Variants in EP400 observed in about 807,000 individuals in gnomAD.
EP400 encodes E1A-binding protein p400.
EP400 carries 105 observed loss-of-function variants against 354.1 expected under a neutral mutation model. The observed-to-expected ratio is 0.30, with a 90% CI of 0.25 to 0.35. The LOEUF (loss-of-function observed/expected upper bound fraction) is 0.35. Ranked by LOEUF, EP400 falls within the 10% of genes least tolerant of loss-of-function variation. The probability of loss-of-function intolerance (pLI) is 1.00; values close to 1 mark genes in which losing one functional copy is unlikely to be tolerated. For missense variants in EP400, 3,280 were observed against 4,121.0 expected, an observed-to-expected ratio of 0.80 and a Z score of 5.59; for synonymous variants, 1,646 against 1,716.9, an observed-to-expected ratio of 0.96 and a Z score of 1.02.
Position 132,038,248 on chromosome 12 carries a change from T to A in EP400, c.6207+152T>A. ...TGCTTTTGGAACCTCCCCACTCCCT[T>A]CTTTCTGTCATGGGGATTTTGAACT... On this transcript the variant is annotated intron_variant, in intron 32 of 52. Coordinates refer to ENST00000389561, the MANE Select transcript of EP400 (RefSeq NM_015409.5). This position sits in a 1 kb window ranked among gnomAD's most constrained non-coding sequence, Gnocchi z 4.2. 1 of 979,690 alleles carries A rather than the reference T, an allele frequency of 1.0e-6. No individual in the cohort carries two copies. The highest frequency in any genetic ancestry group is 1.5e-6 in the Non-Finnish European group (1 of 676,326). The allele number at this position is 979,690 out of a possible 1,614,324, so 60.7% of individuals were successfully genotyped here. A position where few individuals can be genotyped will look rare whatever the true frequency, so the allele number is the denominator to read the frequency against.
At chr12:131,951,350 C>G (rs1232797012) in intron 1 of EP400, among the ~76,000 whole-genome samples, 1 of 151,332 alleles carries the variant, frequency 6.6e-6, no homozygotes, top group African/African-American at 2.4e-5. Flanking sequence ...CCATGCCCGG[C>G]CAATTTTTTA....
At chr12:132,064,064 TG>T (rs1282085783) in intron 47 of EP400, among the ~76,000 whole-genome samples, 3 of 105,516 alleles carry the variant, frequency 2.8e-5, no homozygotes, top group Non-Finnish European at 5.9e-5. Context: ...CCTTGTCACC[TG>T]CCCCGGTTCA....
At chr12:131,978,854 ATTT>A (rs1480930841) in intron 2 of EP400, among the ~76,000 whole-genome samples, 2 of 152,196 alleles carry the variant, frequency 1.3e-5, no homozygotes, top group Admixed American at 6.5e-5. Context: ...ACATCTGTCT[ATTT>A]ATATCTCTAT....
In EP400 at chr12:131,991,453, T is replaced by C. The variant is rs1048054820; in HGVS notation, c.2676T>C (p.Ser892=). ...GATTTGACGCATTACAGGAAAGTTCTCTGGTAAGTTTGGGGTTGTTACTGT... is the reference window on the plus strand; with the variant it reads ...GATTTGACGCATTACAGGAAAGTTCCCTGGTAAGTTTGGGGTTGTTACTGT... ...PKGFDALQES[S]LDSGMSGRKR... Residue 892 remains serine, a synonymous_variant, in exon 10 of 53, where the codon TCT becomes TCC. Transcript: ENST00000389561. 1 of 1,614,134 alleles carries C rather than the reference T, an allele frequency of 6.2e-7. No homozygotes were observed. Among genetic ancestry groups the C allele is most frequent in the East Asian group, 2.2e-5 (1 of 44,886 alleles).
intron 50 of EP400, 128 bp from the exon 51 acceptor site, chr12:132,069,367 C>A (rs1593389145): frequency 7.4e-7 from 1 of 1,346,730 alleles, no homozygotes; most frequent in East Asian, 2.3e-5. Flanking sequence ...TGGGTATGCA[C>A]AGGGTTGGTC....
At chr12:132,005,789 C>T (rs918221081) in intron 13 of EP400, among the ~76,000 whole-genome samples, 2 of 151,898 alleles carry the variant, frequency 1.3e-5, no homozygotes, top group East Asian at 1.9e-4. Context: ...GATCCCTAAA[C>T]CCTGAGACAC....
At position 132,077,634 on chromosome 12, in the gene EP400, T is replaced by C. The variant is rs1275505432; in HGVS notation, c.9333T>C (p.Ala3111=). 2 of 1,613,604 alleles carry C rather than the reference T, an allele frequency of 1.2e-6. No homozygotes were observed. The highest frequency in any genetic ancestry group is 1.7e-6 in the Non-Finnish European group (2 of 1,179,818). Residue 3111 remains alanine, a synonymous_variant, in exon 53 of 53, where the codon GCT becomes GCC. Coordinates refer to ENST00000389561, the MANE Select transcript of EP400 (RefSeq NM_015409.5). ...CCAAGTTACAGATGAGGGTCCCTGC[T>C]GTCAGGCTAAAGACACCTACTAAGC... ...QQPKLQMRVP[A]VRLKTPTKPP...
intron 39 of EP400, among the ~76,000 whole-genome samples, chr12:132,048,843 C>T (rs930988837): frequency 6.6e-6 from 1 of 152,170 alleles, no homozygotes; most frequent in Non-Finnish European, 1.5e-5. Flanking sequence ...AACCACCAGC[C>T]CTGGCTGTGG....
chr12:132,066,355 T>C (rs1440061039), intron 48 of EP400: 1 of 166,734 alleles, frequency 6.0e-6, no homozygotes, highest in African/African-American at 2.4e-5. Flanking sequence ...TAAGAGAAAA[T>C]GCGGGACGGG....
At chr12:131,976,661 GA>G (rs1184280642) in intron 2 of EP400, among the ~76,000 whole-genome samples, 2 of 152,172 alleles carry the variant, frequency 1.3e-5, no homozygotes, top group Non-Finnish European at 2.9e-5. Flanking sequence ...AGTGAGGCGA[GA>G]TCGTACCATT....
chr12:132,069,783 T>TG, intron 51 of EP400, 142 bp downstream of exon 51: 8 of 1,305,840 alleles, frequency 6.1e-6, no homozygotes, highest in Non-Finnish European at 8.3e-6. Context: ...TCTCCTGGCC[T>TG]CAGGTTTCAA....
intron 32 of EP400, among the ~76,000 whole-genome samples, chr12:132,042,308 C>T (rs557503034): frequency 1.3e-5 from 2 of 152,202 alleles, no homozygotes; most frequent in African/African-American, 4.8e-5. Flanking sequence ...GATAAAAGGC[C>T]TTTGTTTGAT....
rs141965996 is a variant in EP400, at chr12:131,960,853, C to T, written c.234C>T (p.Ser78=). 1.0e-4 allele frequency: 168 copies of T among 1,613,954 alleles called. No individual in the cohort carries two copies. In the African/African-American group the frequency reaches 1.8e-3, roughly 17 times the overall value. The part of the protein sequence containing the change: ...TGQNVNITLQ[S]VGPVVGGNQQ... ...AGAACGTGAACATCACCCTGCAGAG[C>T]GTGGGCCCTGTCGTCGGGGGAAACC... The change falls in exon 2 of 53, where the codon AGC becomes AGT. Residue 78 remains serine, a synonymous_variant. Coordinates refer to ENST00000389561, the MANE Select transcript of EP400 (RefSeq NM_015409.5).
rs368374542 is a variant in EP400, at chr12:132,055,084, C to A, written c.7775-15C>A. ...TCTCCTGGCGCTGTTGCCTTATGCC[C>A]GCCTGTCTCCGCAGGTGCCGTGAGT... On this transcript the variant is annotated splice_polypyrimidine_tract_variant and intron_variant, in intron 44 of 52. Coordinates refer to ENST00000389561, the MANE Select transcript of EP400 (RefSeq NM_015409.5). 53 of 1,613,616 alleles carry A rather than the reference C, an allele frequency of 3.3e-5. No individual in the cohort carries two copies. In the African/African-American group the frequency reaches 6.4e-4, roughly 20 times the overall value.
rs781120154 is a variant in EP400, at chr12:132,006,235, A to G, written c.3059A>G (p.Asp1020Gly). The G allele has an allele frequency of 8.7e-6, 14 of 1,614,132 alleles. No individual in the cohort carries two copies. Among genetic ancestry groups the G allele is most frequent in the Non-Finnish European group, 1.2e-5 (14 of 1,180,062 alleles). ...RMNIGKPNAKDIADVTAVAEA... is the reference protein window; with the variant it reads ...RMNIGKPNAKGIADVTAVAEA... ...AATATCGGGAAGCCAAACGCCAAGG[A>G]CATTGCGGACGTCACTGCGGTGGCT... is the stretch of plus-strand genomic sequence containing the variant. Residue 1020 changes from aspartate (D) to glycine (G), a missense_variant, in exon 14 of 53, where the codon GAC becomes GGC. Around this residue, in one of 20 missense-constraint regions of EP400, gnomAD observed 800 missense variants for 840.0 expected, o/e 0.95. Coordinates refer to ENST00000389561, the MANE Select transcript of EP400 (RefSeq NM_015409.5).
At chr12:132,000,486 G>T (rs1190474478) in intron 12 of EP400, among the ~76,000 whole-genome samples, 1 of 152,154 alleles carries the variant, frequency 6.6e-6, no homozygotes, top group Non-Finnish European at 1.5e-5. Flanking sequence ...CTTGTTGATT[G>T]CATTATCCAG....
intron 12 of EP400, among the ~76,000 whole-genome samples, chr12:131,998,194 ATAGT>A (rs1184677680): frequency 6.6e-5 from 10 of 152,276 alleles, no homozygotes; most frequent in African/African-American, 2.4e-4. Flanking sequence ...TAGCTTTATA[ATAGT>A]TCTTGATGTC....
chr12:131,994,931 A>C lies in EP400; in HGVS notation c.2802A>C (p.Thr934=). ...ATGAAGGCGTTGTGGACCACCAAAC[A>C]GAACTTTCTAATTTAGCCAAGGAAG... The part of the protein sequence containing the change: ...EANEGVVDHQ[T]ELSNLAKEAE... The change falls in exon 12 of 53, where the codon ACA becomes ACC. Residue 934 remains threonine, a synonymous_variant. Coordinates refer to ENST00000389561, the MANE Select transcript of EP400 (RefSeq NM_015409.5). This position sits in a 1 kb window ranked among gnomAD's most constrained non-coding sequence, Gnocchi z 4.6. The C allele has an allele frequency of 6.2e-7, 1 of 1,614,112 alleles. No individual in the cohort carries two copies. The highest frequency in any genetic ancestry group is 8.5e-7 in the Non-Finnish European group (1 of 1,179,976).
At chr12:132,064,055 C>A (rs1895804308) in intron 47 of EP400, among the ~76,000 whole-genome samples, 1 of 147,736 alleles carries the variant, frequency 6.8e-6, no homozygotes, top group Non-Finnish European at 1.5e-5. Flanking sequence ...ACACAGGTGC[C>A]TTGTCACCTG....
Sources: gnomAD v4.1 joint callset for allele counts (sites outside exome capture counted in the v4.1 genomes callset) on GRCh38, gnomAD v4.1.1 for gene constraint, gnomAD v4.1.1 regional missense constraint, Gnocchi (gnomAD v3.1) non-coding constraint, MANE v1.5 for transcripts, NCBI Gene and HGNC (gene_info 2026-07-23, HGNC 2026-07-21) for gene names.